The following CACNA1E variants were observed in gnomAD, a reference collection of about 807,000 sequenced individuals.
CACNA1E encodes calcium voltage-gated channel subunit alpha1 E, also known as voltage-dependent R-type calcium channel subunit alpha-1E.
CACNA1E carries 40 observed loss-of-function variants against 259.2 expected under a neutral mutation model. The ratio of observed to expected loss-of-function variants is 0.15; its 90% CI spans 0.12 to 0.20. The LOEUF (loss-of-function observed/expected upper bound fraction) is 0.20, where lower values mean the gene tolerates loss of function less well. CACNA1E is among the 10% of genes least tolerant of loss of function. The probability of loss-of-function intolerance (pLI) is 1.00; values close to 1 mark genes in which losing one functional copy is unlikely to be tolerated. For synonymous variants in CACNA1E, 1,104 were observed against 1,138.5 expected, an observed-to-expected ratio of 0.97 and a Z score of 0.61; for missense variants, 1,874 against 3,040.1, an observed-to-expected ratio of 0.62 and a Z score of 9.02.
chr1:181,592,618 C>A (rs1483164709), intron 6 of CACNA1E, among the ~76,000 whole-genome samples: 1 of 152,116 alleles, frequency 6.6e-6, no homozygotes, highest in Non-Finnish European at 1.5e-5. Context: ...CAGCTTGGAA[C>A]CTGACTTTGA....
At chr1:181,617,125 A>G (rs73057801) in intron 6 of CACNA1E, among the ~76,000 whole-genome samples, 4,656 of 152,044 alleles carry the variant, frequency 0.031, 193 homozygotes, top group African/African-American at 0.1. Flanking sequence ...TCAAAGAACC[A>G]ATTTTTGGTT....
intron 3 of CACNA1E, among the ~76,000 whole-genome samples, chr1:181,528,569 G>C (rs1667535849): frequency 2.6e-5 from 4 of 152,206 alleles, no homozygotes; most frequent in Non-Finnish European, 4.4e-5. Context: ...GAATCTCTTA[G>C]AGACTTGTTG....
intron 11 of CACNA1E, among the ~76,000 whole-genome samples, chr1:181,717,671 G>T (rs975759368): frequency 2.0e-5 from 3 of 152,148 alleles, no homozygotes; most frequent in African/African-American, 4.8e-5. Flanking sequence ...AGAGCTTATA[G>T]GTCAGCTCCA....
chr1:181,784,594 C>A, intron 40 of CACNA1E, 67 bp from the exon 41 acceptor site: 2 of 1,081,758 alleles, frequency 1.8e-6, no homozygotes, highest in Non-Finnish European at 2.7e-6. Context: ...CTCCTACCTT[C>A]ACCTCCTCCC....
chr1:181,512,976 A>G (rs1365115222), intron 3 of CACNA1E, among the ~76,000 whole-genome samples: 4 of 152,264 alleles, frequency 2.6e-5, no homozygotes, highest in Non-Finnish European at 5.9e-5. Flanking sequence ...AATCTGAATC[A>G]TTTAGAAATG....
chr1:181,593,260 GC>G (rs1385842025), intron 6 of CACNA1E, among the ~76,000 whole-genome samples: 1 of 152,170 alleles, frequency 6.6e-6, no homozygotes, highest in Admixed American at 6.5e-5. Context: ...TTGTGCTTAT[GC>G]AGAGTGGGTG....
intron 40 of CACNA1E, 123 bp from the exon 41 acceptor site, chr1:181,784,538 A>G (rs1660700549): frequency 3.2e-6 from 2 of 622,106 alleles, no homozygotes; most frequent in Non-Finnish European, 2.8e-6. Flanking sequence ...ACTGTCACTC[A>G]GTGCCAAGAT....
chr1:181,723,844 G>A lies in CACNA1E; in HGVS notation c.2075-626G>A, dbSNP rs139815128. 5.7e-3 allele frequency among the ~76,000 whole-genome samples: 861 copies of A among 152,292 alleles called. 5 individuals carry two copies. The highest frequency in any genetic ancestry group is 9.4e-3 in the Non-Finnish European group (642 of 68,032). On this transcript the variant is annotated intron_variant, in intron 16 of 47. Coordinates refer to ENST00000367573, the MANE Select transcript of CACNA1E (RefSeq NM_001205293.3). Reference sequence around the variant, plus strand: ...GGCACAGAACATTCATATCCTCTCCGGGAGTGCCAGTCTCCAGGAACCTCC... The same window carrying A: ...GGCACAGAACATTCATATCCTCTCCAGGAGTGCCAGTCTCCAGGAACCTCC...
At chr1:181,780,870 A>G (rs1355686425) in intron 38 of CACNA1E, among the ~76,000 whole-genome samples, 1 of 152,038 alleles carries the variant, frequency 6.6e-6, no homozygotes, top group Non-Finnish European at 1.5e-5. Flanking sequence ...CACACACACC[A>G]GAGGGGGGAT....
intron 2 of CACNA1E, among the ~76,000 whole-genome samples, chr1:181,467,254 G>C (rs1431459238): frequency 6.6e-6 from 1 of 152,210 alleles, no homozygotes; most frequent in Non-Finnish European, 1.5e-5. Flanking sequence ...AAAGGGTGTT[G>C]TTGACCAGAG....
At chr1:181,707,507 G>C (rs1218443429) in intron 7 of CACNA1E, among the ~76,000 whole-genome samples, 1 of 152,210 alleles carries the variant, frequency 6.6e-6, no homozygotes, top group Non-Finnish European at 1.5e-5. Context: ...GTTAGATAAA[G>C]GGAGGTTAGA....
At chr1:181,672,698 C>T (rs1453469410) in intron 7 of CACNA1E, among the ~76,000 whole-genome samples, 1 of 152,202 alleles carries the variant, frequency 6.6e-6, no homozygotes, top group African/African-American at 2.4e-5. Context: ...TAGCAGATAC[C>T]TATTGCAAGG....
intron 47 of CACNA1E, 64 bp downstream of exon 47, chr1:181,796,922 A>G: frequency 8.0e-7 from 1 of 1,242,402 alleles, no homozygotes; most frequent in South Asian, 1.6e-5. Context: ...GTATCATTAG[A>G]TGCAAGTCGT....
chr1:181,649,690 A>C (rs979032181), intron 6 of CACNA1E, among the ~76,000 whole-genome samples: 1 of 152,178 alleles, frequency 6.6e-6, no homozygotes, highest in Non-Finnish European at 1.5e-5. Context: ...AAATGAGAAC[A>C]TGTTCTTTGC....
At chr1:181,757,921 T>C (rs1658230294) in intron 30 of CACNA1E, 26 bp from the exon 31 acceptor site, 1 of 1,611,008 alleles carries the variant, frequency 6.2e-7, no homozygotes, top group Non-Finnish European at 8.5e-7. Flanking sequence ...TTTGAATTTG[T>C]GCTAATAACC....
At chr1:181,456,613 C>T (rs1219634571) in intron 2 of CACNA1E, among the ~76,000 whole-genome samples, 1 of 152,190 alleles carries the variant, frequency 6.6e-6, no homozygotes, top group African/African-American at 2.4e-5. Context: ...ACGCCTCCCT[C>T]TGGGGCTGCT....
At chr1:181,438,179 G>T (rs1043423817) in intron 2 of CACNA1E, among the ~76,000 whole-genome samples, 2 of 152,142 alleles carry the variant, frequency 1.3e-5, no homozygotes, top group Non-Finnish European at 2.9e-5. Flanking sequence ...AGCCCTCCTT[G>T]TTTAGTAGCA....
At chr1:181,325,884 C>G (rs1650742174) in intron 1 of CACNA1E, among the ~76,000 whole-genome samples, 1 of 152,192 alleles carries the variant, frequency 6.6e-6, no homozygotes, top group South Asian at 2.1e-4. Context: ...GCGCTCCCCT[C>G]CCAGGCCGCA....
At chr1:181,446,599 G>A (rs1236520178) in intron 2 of CACNA1E, among the ~76,000 whole-genome samples, 1 of 152,112 alleles carries the variant, frequency 6.6e-6, no homozygotes, top group Non-Finnish European at 1.5e-5. Context: ...TTCTTGGCTT[G>A]GGCTCTTGAA....
Sources: gnomAD v4.1 joint callset for allele counts (sites outside exome capture counted in the v4.1 genomes callset) on GRCh38, gnomAD v4.1.1 for gene constraint, MANE v1.5 for transcripts, NCBI Gene and HGNC (gene_info 2026-07-23, HGNC 2026-07-21) for gene names.